The following ZBTB10 variants were observed in gnomAD, a reference collection of about 807,000 sequenced individuals.
ZBTB10 encodes the protein zinc finger and BTB domain-containing protein 10.
In ZBTB10, 32 loss-of-function variants were observed where a neutral mutation model predicts 76.4. The observed-to-expected ratio is 0.42, with a 90% confidence interval of 0.32 to 0.56. ZBTB10 has a LOEUF of 0.56. Ranked by LOEUF, ZBTB10 falls within the 20% of genes least tolerant of loss-of-function variation. ZBTB10 has a pLI of 0.14. For missense variants in ZBTB10, 1,057 were observed against 1,098.5 expected, an observed-to-expected ratio of 0.96 and a Z score of 0.53; for synonymous variants, 523 against 432.9, an observed-to-expected ratio of 1.21 and a Z score of -2.58.
chr8:80,515,055 A>G (rs556752055), intron 3 of ZBTB10, among the ~76,000 whole-genome samples: 1 of 152,366 alleles, frequency 6.6e-6, no homozygotes, highest in Non-Finnish European at 1.5e-5. Flanking sequence ...AAATGGCTAA[A>G]GAGGACATTT....
chr8:80,507,813 C>T (rs1477883153), intron 2 of ZBTB10, among the ~76,000 whole-genome samples: 1 of 152,170 alleles, frequency 6.6e-6, no homozygotes, highest in Non-Finnish European at 1.5e-5. Flanking sequence ...GTTGCCCACA[C>T]TGGTGTCCAG....
intron 3 of ZBTB10, among the ~76,000 whole-genome samples, chr8:80,515,983 C>G (rs1445648796): frequency 6.6e-6 from 1 of 152,184 alleles, no homozygotes; most frequent in Non-Finnish European, 1.5e-5. Flanking sequence ...GCAAGGTTTA[C>G]TTAATTTGAA....
At position 80,513,963 on chromosome 8, in the gene ZBTB10, A is replaced by T; in HGVS notation, c.1915A>T (p.Asn639Tyr). The change falls in exon 3 of 6, where the codon AAT (asparagine) becomes TAT (tyrosine). Residue 639 changes from asparagine (N) to tyrosine (Y), a missense_variant. By Grantham distance (143) the Asn-to-Tyr change is moderately radical (BLOSUM62 -2). Transcript: ENST00000455036. ...AGATGGTGATAGGAATGTGAATGCA[A>T]ATTTATTGGCTGAAGCTGGCACTAG... ...GPDGDRNVNA[N>Y]LLAEAGTSQD... 1 of 1,613,594 alleles carries T rather than the reference A, an allele frequency of 6.2e-7. No homozygotes were observed.
rs1816436435 is a variant in ZBTB10, at chr8:80,520,940, G to C, written c.*1412G>C. Reference sequence around the variant, plus strand: ...TATTAGCATATTGTATATTATATAAGATTGAGGGATGTCATATTTTCAGCT... The same window carrying C: ...TATTAGCATATTGTATATTATATAACATTGAGGGATGTCATATTTTCAGCT... On this transcript the variant is annotated 3_prime_UTR_variant, in exon 6 of 6. Transcript: ENST00000455036. The C allele has an allele frequency of 6.6e-6, 1 of 151,870 alleles. No homozygotes were observed. Among genetic ancestry groups the C allele is most frequent in the Admixed American group, 6.6e-5 (1 of 15,232 alleles). 9.4% of individuals were successfully genotyped at this position (151,870 alleles called of 1,614,324 possible).
chr8:80,491,447 G>A (rs1260201459), intron 1 of ZBTB10, among the ~76,000 whole-genome samples: 2 of 152,208 alleles, frequency 1.3e-5, no homozygotes, highest in African/African-American at 4.8e-5. Flanking sequence ...TGTATGTCAT[G>A]AAAGGTTACT....
Position 80,486,710 on chromosome 8 carries a change from G to T in ZBTB10, c.-101G>T, listed in dbSNP as rs954432166. 10 of 998,426 alleles carry T rather than the reference G, an allele frequency of 1.0e-5. No individual in the cohort carries two copies. The highest frequency in any genetic ancestry group is 1.2e-5 in the Non-Finnish European group (10 of 839,154). 61.8% of individuals were successfully genotyped at this position (998,426 alleles called of 1,614,324 possible). On this transcript the variant is annotated 5_prime_UTR_variant, in exon 1 of 6. Coordinates refer to ENST00000455036, the MANE Select transcript of ZBTB10 (RefSeq NM_001105539.3). ...GCCCCGCGAGACCGGAACGCCGGGGGCGGGGGCGAGACAGAGGGGGAGCCG... is the reference window on the plus strand; with the variant it reads ...GCCCCGCGAGACCGGAACGCCGGGGTCGGGGGCGAGACAGAGGGGGAGCCG...
chr8:80,487,207 C>T lies in ZBTB10; in HGVS notation c.397C>T (p.Leu133Phe). ...CTTCCGAGGCGGCGGCGGCGGGGGT[C>T]TCGGCAACAATGGCAGTAGCCGCGG... ...LAFRGGGGGG[L>F]GNNGSSRGRP... is the part of the protein sequence containing the mutation. Residue 133 changes from leucine to phenylalanine, a missense_variant, in exon 1 of 6, where the codon CTC becomes TTC. By Grantham distance (22) the Leu-to-Phe change is conservative. Coordinates refer to ENST00000455036, the MANE Select transcript of ZBTB10 (RefSeq NM_001105539.3). The T allele has an allele frequency of 3.9e-6, 6 of 1,542,808 alleles. No individual in the cohort carries two copies. Among genetic ancestry groups the T allele is most frequent in the Non-Finnish European group, 5.2e-6 (6 of 1,146,628 alleles).
Position 80,518,414 on chromosome 8 carries a change from G to T in ZBTB10, c.1972G>T (p.Asp658Tyr). ...QDGGDAGTSH[D>Y]FKYGLMPGPS... ...TTTACTTGTACTAGGTACTTCACAT[G>T]ATTTCAAGTATGGTTTGATGCCTGG... The change falls in exon 4 of 6, where the codon GAT (aspartate) becomes TAT (tyrosine). Residue 658 changes from aspartate to tyrosine, a missense_variant. Coordinates refer to ENST00000455036, the MANE Select transcript of ZBTB10 (RefSeq NM_001105539.3). 6.4e-7 allele frequency: 1 copy of T among 1,550,448 alleles called. No individual in the cohort carries two copies. Among genetic ancestry groups the T allele is most frequent in the South Asian group, 1.2e-5 (1 of 83,806 alleles).
At chr8:80,494,140 G>GCA (rs1400315922) in intron 1 of ZBTB10, among the ~76,000 whole-genome samples, 3 of 152,116 alleles carry the variant, frequency 2.0e-5, no homozygotes, top group Non-Finnish European at 4.4e-5. Context: ...TATTCCAGTG[G>GCA]GTTGCTGCAG....
rs149681421 is a variant in ZBTB10 at position 80,509,849 on chromosome 8, C to G, written c.1862-4061C>G. Among the ~76,000 whole-genome samples the G allele has an allele frequency of 7.6e-3, 1,155 of 152,076 alleles. 19 individuals are homozygous for G. The highest frequency in any genetic ancestry group is 0.027 in the African/African-American group (1,103 of 41,482). ...CATGGAGGGAGTGCAGTGGCATGAT[C>G]ATAGCTTGCTGCAGCCTTGAACTTG... On this transcript the variant is annotated intron_variant, in intron 2 of 5. Transcript: ENST00000455036.
At chr8:80,502,613 A>G (rs1465250618) in intron 2 of ZBTB10, among the ~76,000 whole-genome samples, 2 of 152,172 alleles carry the variant, frequency 1.3e-5, no homozygotes, top group Non-Finnish European at 1.5e-5. Flanking sequence ...ATTTGGTTCT[A>G]TCCATGCCAC....
chr8:80,486,837 G>C lies in ZBTB10; in HGVS notation c.27G>C (p.Arg9Ser). The stretch of plus-strand genomic sequence containing the variant: ...TGTCGTTCAGTGAAATGAACCGCAG[G>C]ACGCTGGCGTTCCGAGGAGGCGGGT... MSFSEMNR[R>S]TLAFRGGGLV... The change falls in exon 1 of 6, where the codon AGG (arginine) becomes AGC (serine). Residue 9 changes from arginine (R) to serine (S), a missense_variant. By Grantham distance (110) the Arg-to-Ser change is moderately radical. Coordinates refer to ENST00000455036, the MANE Select transcript of ZBTB10 (RefSeq NM_001105539.3). The C allele has an allele frequency of 6.7e-7, 1 of 1,501,820 alleles. No individual in the cohort carries two copies. Among genetic ancestry groups the C allele is most frequent in the South Asian group, 1.3e-5 (1 of 79,676 alleles). The allele number at this position is 1,501,820 out of a possible 1,614,324, so 93.0% of individuals were successfully genotyped here.
At position 80,486,627 on chromosome 8, in the gene ZBTB10, G is replaced by T. The variant is rs1467485123; in HGVS notation, c.-184G>T. The T allele has an allele frequency of 1.7e-4, 169 of 988,080 alleles. 1 individual carries two copies. In the South Asian group the frequency reaches 2.3e-3, roughly 14 times the overall value. The allele number at this position is 988,080 out of a possible 1,614,324, so 61.2% of individuals were successfully genotyped here. On this transcript the variant is annotated 5_prime_UTR_variant, in exon 1 of 6. Transcript: ENST00000455036. ...CGGCAGCGGCAGCGGCAGCGGACGC[G>T]TGCAGCAGACCCGGGAGCGAGCGCG...
chr8:80,497,261 A>T (rs1815807070), intron 1 of ZBTB10, among the ~76,000 whole-genome samples: 1 of 152,236 alleles, frequency 6.6e-6, no homozygotes, highest in Middle Eastern at 3.4e-3. Context: ...ATCCAATACA[A>T]CATACTGGTT....
intron 1 of ZBTB10, among the ~76,000 whole-genome samples, chr8:80,492,676 A>G (rs1815661861): frequency 6.6e-6 from 1 of 151,820 alleles, no homozygotes; most frequent in Non-Finnish European, 1.5e-5. Context: ...ACGGGGTTTC[A>G]GTATGTTGGC....
At position 80,521,559 on chromosome 8, in the gene ZBTB10, A is replaced by G. The variant is rs1011666952; in HGVS notation, c.*2031A>G. 1 of 151,754 alleles carries G rather than the reference A, an allele frequency of 6.6e-6. No individual in the cohort carries two copies. Among genetic ancestry groups the G allele is most frequent in the African/African-American group, 2.4e-5 (1 of 41,422 alleles). The allele number at this position is 151,754 out of a possible 1,614,324, so 9.4% of individuals were successfully genotyped here. ...GAACAAAGATATATATCTAAAAATC[A>G]CCTAAATCTGCTTTATTAGACTACA... On this transcript the variant is annotated 3_prime_UTR_variant, in exon 6 of 6. Transcript: ENST00000455036.
intron 1 of ZBTB10, among the ~76,000 whole-genome samples, chr8:80,493,196 C>T (rs1037773746): frequency 7.5e-5 from 8 of 106,838 alleles, no homozygotes; most frequent in African/African-American, 3.2e-4. Context: ...CCTCAAAACG[C>T]GCGCGCGCGC....
rs1428651014 is a variant in ZBTB10, at chr8:80,487,400, G to A, written c.590G>A (p.Ser197Asn). The part of the protein sequence containing the change: ...EEEGASLGDG[S>N]GAEGGSCSSS... ...GAGGGGGCGAGCCTGGGCGACGGCA[G>A]CGGGGCGGAAGGCGGCAGCTGCAGC... Residue 197 changes from serine (S) to asparagine (N), a missense_variant, in exon 1 of 6, where the codon AGC (serine) becomes AAC (asparagine). By Grantham distance (46) the Ser-to-Asn change is conservative (BLOSUM62 1). Transcript: ENST00000455036. The A allele has an allele frequency of 2.0e-6, 3 of 1,536,056 alleles. No individual in the cohort carries two copies. The highest frequency in any genetic ancestry group is 1.4e-5 in the African/African-American group (1 of 72,728).
Position 80,487,528 on chromosome 8 carries a change from A to G in ZBTB10, c.718A>G (p.Lys240Glu). ...TVQHFPLARPKSLMQKLQCSF... is the reference protein window; with the variant it reads ...TVQHFPLARPESLMQKLQCSF... ...CCAGCACTTCCCGCTCGCGCGGCCC[A>G]AGTCTCTAATGCAGAAGCTCCAATG... is the stretch of plus-strand genomic sequence containing the variant. The change falls in exon 1 of 6, where the codon AAG becomes GAG. Residue 240 changes from lysine (K) to glutamate (E), a missense_variant. Lys to Glu is a moderately conservative substitution (Grantham distance 56, BLOSUM62 1). This residue lies in a region of ZBTB10 where 556 missense variants were observed against 451.7 expected (regional missense o/e 1.23). Coordinates refer to ENST00000455036, the MANE Select transcript of ZBTB10 (RefSeq NM_001105539.3). 1 of 1,578,926 alleles carries G rather than the reference A, an allele frequency of 6.3e-7. No homozygotes were observed. Among genetic ancestry groups the G allele is most frequent in the Non-Finnish European group, 8.6e-7 (1 of 1,162,278 alleles).
Sources: gnomAD v4.1 joint callset for allele counts (sites outside exome capture counted in the v4.1 genomes callset) on GRCh38, gnomAD v4.1.1 for gene constraint, gnomAD v4.1.1 regional missense constraint, MANE v1.5 for transcripts, NCBI Gene and HGNC (gene_info 2026-07-23, HGNC 2026-07-21) for gene names.